The following CACNA1D variants were observed in gnomAD, a reference collection of about 807,000 sequenced individuals.
The protein encoded by CACNA1D is voltage-dependent L-type calcium channel subunit alpha-1D.
In CACNA1D, 55 loss-of-function variants were observed where a neutral mutation model predicts 257.1. The observed-to-expected ratio is 0.21, with a 90% CI of 0.17 to 0.27. The LOEUF is 0.27. Among genes scored for constraint, CACNA1D ranks in the 10% least tolerant of loss-of-function variants. The pLI is 1.00. For missense variants in CACNA1D, 1,876 were observed against 2,784.0 expected (o/e 0.67, Z 7.34); for synonymous variants, 980 against 1,014.9 (o/e 0.97, Z 0.65).
intron 3 of CACNA1D, among the ~76,000 whole-genome samples, chr3:53,510,661 T>C (rs2091067511): frequency 6.6e-6 from 1 of 152,216 alleles, no homozygotes; most frequent in Non-Finnish European, 1.5e-5. Context: ...AAGCCTGTAC[T>C]CTTTTACCTC....
intron 45 of CACNA1D, among the ~76,000 whole-genome samples, chr3:53,805,939 TCCTCCCTCATCTTCCCTCCTCCTC>T (rs1553690188): frequency 5.2e-5 from 1 of 19,328 alleles, no homozygotes; most frequent in Non-Finnish European, 8.1e-5. Context: ...TCCCTCCTCC[TCCTCCCTCATCTTCCCTCCTCCTC>T]CCTCCCTCAT....
intron 8 of CACNA1D, among the ~76,000 whole-genome samples, chr3:53,676,887 C>G (rs1483216509): frequency 6.6e-6 from 1 of 152,150 alleles, no homozygotes; most frequent in East Asian, 1.9e-4. Flanking sequence ...CATCTCTGAT[C>G]ACAGTGCTCT....
chr3:53,775,410 CTACTAAAAA>C (rs1175740200), intron 34 of CACNA1D, among the ~76,000 whole-genome samples: 9 of 152,102 alleles, frequency 5.9e-5, no homozygotes, highest in African/African-American at 2.2e-4. Flanking sequence ...AACCTTGACT[CTACTAAAAA>C]TACAAAAATT....
At position 53,688,241 on chromosome 3, in the gene CACNA1D, C is replaced by T. The variant is rs978006764; in HGVS notation, c.1221-14400C>T. ...CGCCCAGCTGGGGTGAGGCAGTGAT[C>T]TGGCTGCGAGCTGTGCCACCCTGGC... is the stretch of plus-strand genomic sequence containing the variant. On this transcript the variant is annotated intron_variant, in intron 8 of 47. Transcript: ENST00000350061. 2.6e-5 allele frequency among the ~76,000 whole-genome samples: 4 copies of T among 152,208 alleles called. No homozygotes were observed. The East Asian group carries it at 5.8e-4, about 22-fold the overall frequency.
Position 53,574,037 on chromosome 3 carries a change from G to A in CACNA1D, c.483+72317G>A, listed in dbSNP as rs1020000733. Among the ~76,000 whole-genome samples, 7 of 152,038 alleles carry A rather than the reference G, an allele frequency of 4.6e-5. 1 individual carries two copies. In the South Asian group the frequency reaches 1.5e-3, roughly 32 times the overall value. The stretch of plus-strand genomic sequence containing the variant: ...GATCTCTTGACTTGGAGGCCCAGGG[G>A]GTCCTTTCCATTGCACTGTGCTCTG... On this transcript the variant is annotated intron_variant, in intron 3 of 47. Coordinates refer to ENST00000350061, the MANE Select transcript of CACNA1D (RefSeq NM_001128840.3).
intron 3 of CACNA1D, among the ~76,000 whole-genome samples, chr3:53,597,676 G>A (rs2093387456): frequency 1.3e-5 from 2 of 152,144 alleles, no homozygotes; most frequent in South Asian, 2.1e-4. Flanking sequence ...GGAATGAGAC[G>A]AGGAACACAG....
At chr3:53,518,862 A>C (rs192879676) in intron 3 of CACNA1D, among the ~76,000 whole-genome samples, 5 of 152,210 alleles carry the variant, frequency 3.3e-5, no homozygotes, top group African/African-American at 9.7e-5. Flanking sequence ...TCCCAAGCTT[A>C]CTACTTTGAA....
At chr3:53,752,346 C>T (rs1463946896) in intron 28 of CACNA1D, among the ~76,000 whole-genome samples, 5 of 152,144 alleles carry the variant, frequency 3.3e-5, no homozygotes, top group East Asian at 1.9e-4. Flanking sequence ...GTCACACCTA[C>T]GTTAGAGATA....
At chr3:53,554,007 T>A (rs544132482) in intron 3 of CACNA1D, among the ~76,000 whole-genome samples, 68 of 151,864 alleles carry the variant, frequency 4.5e-4, no homozygotes, top group African/African-American at 1.6e-3. Context: ...CCATCCTGGC[T>A]AACACAGTGA....
chr3:53,695,890 C>CA (rs1559529348), intron 8 of CACNA1D, among the ~76,000 whole-genome samples: 1 of 152,138 alleles, frequency 6.6e-6, no homozygotes, highest in African/African-American at 2.4e-5. Context: ...TACAGAGAAG[C>CA]AATCCAGGTT....
chr3:53,505,434 G>A (rs2090801173), intron 3 of CACNA1D, among the ~76,000 whole-genome samples: 2 of 152,150 alleles, frequency 1.3e-5, no homozygotes, highest in South Asian at 4.1e-4. Flanking sequence ...ATCCTCTGGA[G>A]CGTCTTCAAA....
intron 7 of CACNA1D, among the ~76,000 whole-genome samples, chr3:53,667,841 A>ATGTGTGTG (rs61605595): frequency 6.7e-6 from 1 of 150,010 alleles, no homozygotes; most frequent in South Asian, 2.1e-4. Flanking sequence ...GTGTGTATGC[A>ATGTGTGTG]TGTGTGTGTG....
At chr3:53,731,458 T>G (rs560456418) in intron 17 of CACNA1D, among the ~76,000 whole-genome samples, 1 of 152,356 alleles carries the variant, frequency 6.6e-6, no homozygotes, top group East Asian at 1.9e-4. Flanking sequence ...CGTTAGCATC[T>G]TCTGAGTGGG....
intron 3 of CACNA1D, among the ~76,000 whole-genome samples, chr3:53,643,941 C>T (rs913132187): frequency 2.6e-5 from 4 of 152,216 alleles, no homozygotes; most frequent in East Asian, 1.9e-4. Context: ...CTGACATGCA[C>T]TCATGGATGT....
chr3:53,702,916 C>A, intron 9 of CACNA1D, 106 bp downstream of exon 9: 2 of 1,193,014 alleles, frequency 1.7e-6, no homozygotes, highest in Non-Finnish European at 2.4e-6. Context: ...GTGGGACAGC[C>A]TCCTCCCAGC....
Position 53,751,705 on chromosome 3 carries a change from G to C in CACNA1D, c.3517-44G>C, listed in dbSNP as rs745689454. On this transcript the variant is annotated intron_variant, in intron 27 of 47. Coordinates refer to ENST00000350061, the MANE Select transcript of CACNA1D (RefSeq NM_001128840.3). This position sits in a 1 kb window ranked among gnomAD's most constrained non-coding sequence, Gnocchi z 4.3. ...GATGACCACGGGGTCCTCCTTCCCT[G>C]CAAGTGCTCAGAACCCCGTTTCTGC... is the stretch of plus-strand genomic sequence containing the variant. The C allele has an allele frequency of 1.1e-5, 18 of 1,611,284 alleles. No individual in the cohort carries two copies. The East Asian group carries it at 4.0e-4, about 36-fold the overall frequency.
chr3:53,655,407 T>C (rs1371926331), intron 4 of CACNA1D, among the ~76,000 whole-genome samples: 1 of 152,224 alleles, frequency 6.6e-6, no homozygotes, highest in Non-Finnish European at 1.5e-5. Context: ...CTTTCCACAA[T>C]GGATGAACTA....
chr3:53,586,317 T>TGC (rs2093216555), intron 3 of CACNA1D, among the ~76,000 whole-genome samples: 1 of 151,318 alleles, frequency 6.6e-6, no homozygotes, highest in Non-Finnish European at 1.5e-5. Flanking sequence ...TGTGTGTGTG[T>TGC]GTGCATTCCT....
intron 3 of CACNA1D, among the ~76,000 whole-genome samples, chr3:53,587,172 A>T (rs1481406752): frequency 6.6e-6 from 1 of 152,236 alleles, no homozygotes; most frequent in Non-Finnish European, 1.5e-5. Flanking sequence ...TATTAGGCAG[A>T]AACATGTGGG....
Sources: allele counts gnomAD v4.1 joint callset (sites outside exome capture counted in the v4.1 genomes callset), GRCh38; gene constraint gnomAD v4.1.1; non-coding constraint Gnocchi (gnomAD v3.1); transcripts MANE v1.5; gene names NCBI Gene and HGNC (gene_info 2026-07-23, HGNC 2026-07-21).